ARL17A: variants seen among roughly 807,000 people sequenced by gnomAD.
ARL17A encodes ADP-ribosylation factor-like 17-like.
intron 4 of ARL17A, among the ~76,000 whole-genome samples, chr17:46,530,439 A>C (rs562650675): frequency 1.3e-4 from 19 of 143,734 alleles, no homozygotes; most frequent in African/African-American, 5.0e-4. Flanking sequence ...GCACTGAAAA[A>C]CCATCTGGAA....
At chr17:46,529,193 A>AG (rs2053275169) in intron 4 of ARL17A, among the ~76,000 whole-genome samples, 2 of 134,988 alleles carry the variant, frequency 1.5e-5, no homozygotes, top group African/African-American at 5.3e-5. Flanking sequence ...AAGAATTTGG[A>AG]GGGAAAAAAA....
At chr17:46,545,180 C>A (rs2145697310) in intron 3 of ARL17A, among the ~76,000 whole-genome samples, 1 of 134,354 alleles carries the variant, frequency 7.4e-6, no homozygotes, top group South Asian at 2.2e-4. Context: ...ACTTGTAATC[C>A]CAGCACTTTG....
rs2667913 is a variant in ARL17A at position 46,521,562 on chromosome 17, C to A, written c.260-4329G>T. Among the ~76,000 whole-genome samples the A allele has an allele frequency of 1.3e-3, 81 of 60,212 alleles. 4 individuals carry two copies. Among genetic ancestry groups the A allele is most frequent in the African/African-American group, 4.3e-3 (76 of 17,864 alleles). The allele number at this position is 60,212 out of a possible 152,430, so 39.5% of individuals were successfully genotyped here. A position where few individuals can be genotyped will look rare whatever the true frequency, so the allele number is the denominator to read the frequency against. ...GTTTATGCTCAGAAGAAATGGGATA[C>A]AAAATAACTACATTAAGAAGAAGAA... is the stretch of plus-strand genomic sequence containing the variant. On this transcript the variant is annotated intron_variant, in intron 3 of 4. Transcript: ENST00000445552.
intron 4 of ARL17A, among the ~76,000 whole-genome samples, chr17:46,532,162 A>G (rs1268031602): frequency 6.7e-6 from 1 of 149,556 alleles, no homozygotes; most frequent in South Asian, 2.1e-4. Flanking sequence ...GCCTCCCAAA[A>G]TGCTGGGATT....
intron 3 of ARL17A, among the ~76,000 whole-genome samples, chr17:46,562,149 C>A (rs1598607241): frequency 1.0e-4 from 1 of 9,634 alleles, no homozygotes; most frequent in Non-Finnish European, 1.1e-3. Context: ...GGCCCTGTCT[C>A]AAAAAATAAA....
chr17:46,532,080 A>G (rs2053731551), intron 4 of ARL17A, among the ~76,000 whole-genome samples: 1 of 150,414 alleles, frequency 6.6e-6, no homozygotes, highest in Non-Finnish European at 1.5e-5. Context: ...TGAGACTCCA[A>G]TGGAGACGGG....
intron 3 of ARL17A, among the ~76,000 whole-genome samples, chr17:46,542,696 A>T (rs1357920243): frequency 2.0e-5 from 3 of 150,014 alleles, no homozygotes; most frequent in African/African-American, 5.1e-5. Flanking sequence ...CCCTGTCTAA[A>T]ATATATATAT....
rs1185111872 is a variant in ARL17A, at chr17:46,541,869, C to G, written c.260-3443G>C. ...GTGGACTTTGGTATCTGCAGGGGGT[C>G]CTGGAGCCAATCCCCTGCAGACACC... On this transcript the variant is annotated intron_variant, in intron 3 of 4. Transcript: ENST00000329240. Among the ~76,000 whole-genome samples the G allele has an allele frequency of 1.3e-5, 2 of 150,056 alleles. 1 individual carries two copies. The highest frequency in any genetic ancestry group is 5.0e-5 in the African/African-American group (2 of 39,640).
In ARL17A at chr17:46,553,304, T is replaced by G. The variant is rs2056994414; in HGVS notation, c.*4052A>C. ...TCTTCAAAAAAGTTACCTCATCAGG[T>G]AGATGAGACTTATAATGAATAAAAG... On this transcript the variant is annotated 3_prime_UTR_variant, in exon 4 of 4. Coordinates refer to ENST00000336125, the MANE Select transcript of ARL17A (RefSeq NM_001113738.2). The G allele has an allele frequency of 6.3e-7, 1 of 1,596,282 alleles. No individual in the cohort carries two copies. Among genetic ancestry groups the G allele is most frequent in the African/African-American group, 1.4e-5 (1 of 69,988 alleles).
chr17:46,575,347 G>A (rs2057767174), intron 2 of ARL17A, among the ~76,000 whole-genome samples: 1 of 151,594 alleles, frequency 6.6e-6, no homozygotes, highest in Non-Finnish European at 1.5e-5. Context: ...TTCTCTAGTT[G>A]GACATCATCT....
At chr17:46,558,146 G>A (rs535916095) in intron 3 of ARL17A, among the ~76,000 whole-genome samples, 15 of 121,822 alleles carry the variant, frequency 1.2e-4, no homozygotes, top group Middle Eastern at 3.6e-3. Context: ...TGCATCCTCC[G>A]CCTCCTGGGT....
intron 4 of ARL17A, among the ~76,000 whole-genome samples, chr17:46,536,994 A>C (rs2054624433): frequency 4.5e-5 from 1 of 22,412 alleles, no homozygotes; most frequent in Non-Finnish European, 6.9e-5. Flanking sequence ...TTCTTACAGA[A>C]ATTTTTTTTG....
intron 4 of ARL17A, among the ~76,000 whole-genome samples, chr17:46,535,243 C>G (rs1169597299): frequency 1.4e-5 from 2 of 148,032 alleles, no homozygotes; most frequent in Admixed American, 1.3e-4. Flanking sequence ...ATTGAGGATC[C>G]CTTGTATGTG....
At chr17:46,525,500 T>A (rs2052583152), downstream of ARL17A, among the ~76,000 whole-genome samples, 1 of 111,314 alleles carries the variant, frequency 9.0e-6, no homozygotes, top group Non-Finnish European at 2.0e-5. Context: ...GGCAGGAGAA[T>A]CACTTGAAAC....
In ARL17A at chr17:46,544,871, A is replaced by T. The variant is rs2056044199; in HGVS notation, c.260-6445T>A. On this transcript the variant is annotated intron_variant, in intron 3 of 4. Coordinates refer to the ARL17A transcript ENST00000329240. ...AATCCAATCAAAGATCAGGCACTGC[A>T]TGTCATGTCTTCATTTCCTTTAATC... Among the ~76,000 whole-genome samples the T allele has an allele frequency of 3.0e-5, 4 of 134,664 alleles. 1 individual carries two copies. The highest frequency in any genetic ancestry group is 6.3e-5 in the Non-Finnish European group (4 of 63,270). 88.3% of individuals were successfully genotyped at this position (134,664 alleles called of 152,430 possible).
intron 3 of ARL17A, among the ~76,000 whole-genome samples, chr17:46,519,434 G>GA (rs1256263007): frequency 7.8e-6 from 1 of 128,624 alleles, no homozygotes; most frequent in Non-Finnish European, 1.6e-5. Flanking sequence ...TTAAAAACAA[G>GA]AAAATTATTA....
chr17:46,541,397 G>T (rs1912809), intron 3 of ARL17A, among the ~76,000 whole-genome samples: 1 of 147,428 alleles, frequency 6.8e-6, no homozygotes, highest in Non-Finnish European at 1.5e-5. Flanking sequence ...GATTACAGGC[G>T]CATGCCACCA....
At chr17:46,516,499 G>A (rs2667811), downstream of ARL17A, among the ~76,000 whole-genome samples, 1 of 144,234 alleles carries the variant, frequency 6.9e-6, no homozygotes, top group Non-Finnish European at 1.5e-5. Context: ...TGTTAAATAG[G>A]AGAAAAATGG....
chr17:46,532,887 C>T (rs1380870363), intron 4 of ARL17A, among the ~76,000 whole-genome samples: 1 of 148,348 alleles, frequency 6.7e-6, no homozygotes, highest in Non-Finnish European at 1.5e-5. Context: ...GATTGCTTGA[C>T]CCCAGGAGTT....
Sources: allele counts gnomAD v4.1 joint callset (sites outside exome capture counted in the v4.1 genomes callset), GRCh38; gene constraint gnomAD v4.1.1; transcripts MANE v1.5; gene names NCBI Gene and HGNC (gene_info 2026-07-23, HGNC 2026-07-21).